The following CHL1 variants were observed in gnomAD, a reference collection of about 807,000 sequenced individuals.
CHL1 encodes cell adhesion molecule L1 like, also known as neural cell adhesion molecule L1-like protein.
Under a neutral mutation model 141.9 loss-of-function variants are expected in CHL1, and 96 were observed. The ratio of observed to expected loss-of-function variants is 0.68; its 90% CI spans 0.57 to 0.80. The LOEUF (loss-of-function observed/expected upper bound fraction) is 0.80, where lower values mean the gene tolerates loss of function less well. Ranked by LOEUF, CHL1 falls within the 30% of genes least tolerant of loss-of-function variation. CHL1 has a pLI of 0.00. For missense variants in CHL1, 1,820 were observed against 1,457.2 expected (o/e 1.25, Z -4.05); for synonymous variants, 613 against 502.2 (o/e 1.22, Z -2.95).
chr3:261,518 A>G (rs943552698), intron 2 of CHL1, among the ~76,000 whole-genome samples: 1 of 152,184 alleles, frequency 6.6e-6, no homozygotes, highest in Non-Finnish European at 1.5e-5. Flanking sequence ...TAAATTTTAT[A>G]TTCACTACCT....
At chr3:250,264 T>C (rs1189965580) in intron 2 of CHL1, among the ~76,000 whole-genome samples, 1 of 152,084 alleles carries the variant, frequency 6.6e-6, no homozygotes, top group Non-Finnish European at 1.5e-5. Context: ...TATTTGATAT[T>C]AGTAATTTAA....
intron 11 of CHL1, among the ~76,000 whole-genome samples, chr3:357,121 C>T (rs139083189): frequency 2.3e-4 from 35 of 152,236 alleles, no homozygotes; most frequent in African/African-American, 7.7e-4. Context: ...TTATGCGAGA[C>T]CACACAGCTG....
chr3:293,892 G>A (rs903237621), intron 2 of CHL1, among the ~76,000 whole-genome samples: 3 of 151,006 alleles, frequency 2.0e-5, no homozygotes, highest in African/African-American at 7.3e-5. Flanking sequence ...CTCCTGAGTA[G>A]CTGGGATTAC....
chr3:340,461 T>C (rs2125141563), intron 5 of CHL1, among the ~76,000 whole-genome samples: 1 of 152,348 alleles, frequency 6.6e-6, no homozygotes, highest in South Asian at 2.1e-4. Flanking sequence ...ATTTCACATC[T>C]ATCAAAGCTA....
At chr3:304,170 A>G (rs1295666525) in intron 2 of CHL1, among the ~76,000 whole-genome samples, 2 of 152,178 alleles carry the variant, frequency 1.3e-5, no homozygotes, top group Non-Finnish European at 2.9e-5. Context: ...TTTCACATCA[A>G]TGTTCATCAG....
At chr3:347,078 A>G (rs1044924415) in intron 9 of CHL1, among the ~76,000 whole-genome samples, 1 of 152,112 alleles carries the variant, frequency 6.6e-6, no homozygotes, top group African/African-American at 2.4e-5. Flanking sequence ...TTTAAGGGAT[A>G]TTTACCAACA....
chr3:335,991 T>C (rs1406084041), intron 5 of CHL1, among the ~76,000 whole-genome samples: 1 of 152,218 alleles, frequency 6.6e-6, no homozygotes, highest in Non-Finnish European at 1.5e-5. Context: ...ATGTGAAATA[T>C]TTAAATTTCA....
chr3:219,161 C>G (rs867553271), intron 1 of CHL1, among the ~76,000 whole-genome samples: 1 of 149,572 alleles, frequency 6.7e-6, no homozygotes, highest in Middle Eastern at 3.2e-3. Flanking sequence ...AAAAAAAGGT[C>G]AAAAAATAAA....
At position 244,082 on chromosome 3, in the gene CHL1, G is replaced by A. The variant is rs535435583; in HGVS notation, c.-174-531G>A. ...CATGTTGATGTTTTAAGAGATAGGCGGCTTGGCAAACCATGGTGAGAGATG... is the reference window on the plus strand; with the variant it reads ...CATGTTGATGTTTTAAGAGATAGGCAGCTTGGCAAACCATGGTGAGAGATG... On this transcript the variant is annotated intron_variant, in intron 1 of 27. Transcript: ENST00000256509. 7.3e-5 allele frequency among the ~76,000 whole-genome samples: 11 copies of A among 150,832 alleles called. No homozygotes were observed. In the East Asian group the frequency reaches 1.8e-3, roughly 25 times the overall value.
At chr3:300,164 C>T (rs1698597150) in intron 2 of CHL1, among the ~76,000 whole-genome samples, 1 of 152,104 alleles carries the variant, frequency 6.6e-6, no homozygotes, top group African/African-American at 2.4e-5. Flanking sequence ...TTGATTGAAA[C>T]TAAAACTAAT....
intron 14 of CHL1, among the ~76,000 whole-genome samples, chr3:365,367 A>T (rs915851993): frequency 6.6e-6 from 1 of 152,204 alleles, no homozygotes; most frequent in African/African-American, 2.4e-5. Context: ...AATTCATTCA[A>T]AAGGAGACTT....
chr3:259,996 G>A (rs1487656622), intron 2 of CHL1, among the ~76,000 whole-genome samples: 1 of 152,192 alleles, frequency 6.6e-6, no homozygotes, highest in Admixed American at 6.5e-5. Context: ...TGGGCATGGT[G>A]GCTCATGCTT....
chr3:258,934 C>CT (rs538887029), intron 2 of CHL1, among the ~76,000 whole-genome samples: 22,322 of 130,480 alleles, frequency 0.17, 2,222 homozygotes, highest in East Asian at 0.38. Flanking sequence ...ATGGCAACAT[C>CT]TTTTTTTTTT....
At chr3:367,591 T>A (rs1042651326) in intron 15 of CHL1, among the ~76,000 whole-genome samples, 2 of 152,326 alleles carry the variant, frequency 1.3e-5, no homozygotes, top group East Asian at 3.9e-4. Flanking sequence ...GCACAGTCCA[T>A]TTTTGCTTTT....
At chr3:381,566 A>G (rs2125390726) in intron 16 of CHL1, among the ~76,000 whole-genome samples, 1 of 152,336 alleles carries the variant, frequency 6.6e-6, no homozygotes, top group African/African-American at 2.4e-5. Flanking sequence ...TTTATGCCTA[A>G]AAGGGTGAGG....
At chr3:236,986 G>A (rs1692050220) in intron 1 of CHL1, among the ~76,000 whole-genome samples, 1 of 152,138 alleles carries the variant, frequency 6.6e-6, no homozygotes, top group Non-Finnish European at 1.5e-5. Context: ...TCATTAATAG[G>A]GAGTGTTACT....
At chr3:351,198 A>T (rs577712974) in intron 10 of CHL1, among the ~76,000 whole-genome samples, 11 of 152,362 alleles carry the variant, frequency 7.2e-5, no homozygotes, top group Non-Finnish European at 1.5e-4. Context: ...GAAATCAAAG[A>T]TGTAACATTA....
intron 2 of CHL1, among the ~76,000 whole-genome samples, chr3:286,772 G>T (rs1050099722): frequency 6.6e-6 from 1 of 152,124 alleles, no homozygotes; most frequent in African/African-American, 2.4e-5. Flanking sequence ...CCAGGAAAGC[G>T]GTAGGCAATT....
chr3:319,271 C>T (rs1389534981), intron 2 of CHL1, among the ~76,000 whole-genome samples: 1 of 151,094 alleles, frequency 6.6e-6, no homozygotes, highest in African/African-American at 2.4e-5. Flanking sequence ...CTATCGGGTG[C>T]TATGCTCATT....
Sources: allele counts gnomAD v4.1 joint callset (sites outside exome capture counted in the v4.1 genomes callset), GRCh38; gene constraint gnomAD v4.1.1; transcripts MANE v1.5; gene names NCBI Gene and HGNC (gene_info 2026-07-23, HGNC 2026-07-21).